The following ZNF845 variants were observed in gnomAD, a reference collection of about 807,000 sequenced individuals.
ZNF845 encodes zinc finger protein 845.
In ZNF845, 59 loss-of-function variants were observed where a neutral mutation model predicts 76.1. The ratio of observed to expected loss-of-function variants is 0.78; its 90% CI spans 0.63 to 0.96. The LOEUF (loss-of-function observed/expected upper bound fraction) is 0.96. ZNF845 is among the 40% of genes least tolerant of loss of function. The pLI is 0.00. For missense variants in ZNF845, 1,045 were observed against 1,172.8 expected (o/e 0.89, Z 1.59); for synonymous variants, 361 against 386.9 (o/e 0.93, Z 0.78).
chr19:53,353,307 C>G lies in ZNF845; in HGVS notation c.2632C>G (p.His878Asp). The G allele has an allele frequency of 6.2e-7, 1 of 1,612,834 alleles. No individual in the cohort carries two copies. Among genetic ancestry groups the G allele is most frequent in the Middle Eastern group, 1.7e-4 (1 of 6,052 alleles). ...TAGAAAAGCAAACCTTTCACGTCAT[C>G]ATAGACTTCATACTGGAGAGAAACC... ...FNRKANLSRH[H>D]RLHTGEKPYK... is the part of the protein sequence containing the mutation. The change falls in exon 4 of 4, where the codon CAT becomes GAT. Residue 878 changes from histidine (H) to aspartate (D), a missense_variant. Physicochemically the swap from His to Asp is moderately conservative, Grantham distance 81. Coordinates refer to ENST00000458035, the MANE Select transcript of ZNF845 (RefSeq NM_138374.3).
At chr19:53,342,585 T>C (rs8111000) in intron 2 of ZNF845, among the ~76,000 whole-genome samples, 43,072 of 152,084 alleles carry the variant, frequency 0.28, 7,542 homozygotes, top group African/African-American at 0.5. Flanking sequence ...GAGCCGCTAC[T>C]GTCAGTTCTG....
chr19:53,341,858 T>A (rs1256038309), intron 2 of ZNF845, among the ~76,000 whole-genome samples: 1 of 152,192 alleles, frequency 6.6e-6, no homozygotes, highest in African/African-American at 2.4e-5. Flanking sequence ...CAGACATGAA[T>A]GATAGAAGAT....
In ZNF845 at chr19:53,351,698, C is replaced by T; in HGVS notation, c.1023C>T (p.Tyr341=). 1 of 1,614,064 alleles carries T rather than the reference C, an allele frequency of 6.2e-7. No homozygotes were observed. ...GCAAGACCTTCAGTCAAACGTCATACCTTGTGTACCATCGTAGACTTCATA... is the reference window on the plus strand; with the variant it reads ...GCAAGACCTTCAGTCAAACGTCATATCTTGTGTACCATCGTAGACTTCATA... The part of the protein sequence containing the change: ...ECGKTFSQTS[Y]LVYHRRLHTG... The change falls in exon 4 of 4, where the codon TAC becomes TAT. Residue 341 remains tyrosine, a synonymous_variant. Transcript: ENST00000458035.
In ZNF845 at chr19:53,352,492, C is replaced by T. The variant is rs376117724; in HGVS notation, c.1817C>T (p.Ser606Leu). Residue 606 changes from serine (S) to leucine (L), a missense_variant, in exon 4 of 4, where the codon TCG becomes TTG. By Grantham distance (145) the Ser-to-Leu change is moderately radical (BLOSUM62 -2). Coordinates refer to ENST00000458035, the MANE Select transcript of ZNF845 (RefSeq NM_138374.3). The part of the protein sequence containing the change: ...NHWRIHNEER[S>L]YKCNRCGKFF... ...TGGAGAATCCATAATGAAGAGAGAT[C>T]GTACAAGTGTAATAGATGTGGCAAA... The T allele has an allele frequency of 1.3e-4, 216 of 1,611,502 alleles. No individual in the cohort carries two copies. Among genetic ancestry groups the T allele is most frequent in the African/African-American group, 2.1e-4 (16 of 74,948 alleles).
At chr19:53,338,728 ACACACT>A (rs2085235108) in intron 1 of ZNF845, among the ~76,000 whole-genome samples, 1 of 148,694 alleles carries the variant, frequency 6.7e-6, no homozygotes. Context: ...ACACGCACAC[ACACACT>A]CCCACACACA....
Position 53,355,904 on chromosome 19 carries a change from T to C in ZNF845, c.*2316T>C, listed in dbSNP as rs2085382718. ...CTATCTATTGAGATAATGTGTTTTT[T>C]ATCTGTCATTCTGTGCAAGTGTGTA... On this transcript the variant is annotated 3_prime_UTR_variant, in exon 4 of 4. Coordinates refer to ENST00000458035, the MANE Select transcript of ZNF845 (RefSeq NM_138374.3). 6.6e-6 allele frequency: 1 copy of C among 152,242 alleles called. No individual in the cohort carries two copies. The highest frequency in any genetic ancestry group is 1.5e-5 in the Non-Finnish European group (1 of 68,046). 9.4% of individuals were successfully genotyped at this position (152,242 alleles called of 1,614,324 possible).
intron 3 of ZNF845, among the ~76,000 whole-genome samples, chr19:53,349,933 G>A (rs1344855406): frequency 6.6e-6 from 1 of 152,092 alleles, no homozygotes; most frequent in Non-Finnish European, 1.5e-5. Context: ...TACTCAGGAG[G>A]CTGAGGCAGG....
chr19:53,348,666 A>G (rs2085312873), intron 3 of ZNF845, among the ~76,000 whole-genome samples: 1 of 152,100 alleles, frequency 6.6e-6, no homozygotes, highest in Admixed American at 6.5e-5. Flanking sequence ...AATTTGTTAT[A>G]TACAATGTTT....
Position 53,352,045 on chromosome 19 carries a change from A to G in ZNF845, c.1370A>G (p.His457Arg), listed in dbSNP as rs898061886. 5 of 1,613,814 alleles carry G rather than the reference A, an allele frequency of 3.1e-6. No individual in the cohort carries two copies. Among genetic ancestry groups the G allele is most frequent in the Non-Finnish European group, 3.4e-6 (4 of 1,179,954 alleles). ...AFSFKSNLER[H>R]RRIHTGEKPY... The stretch of plus-strand genomic sequence containing the variant: ...AGTTTCAAATCGAACCTTGAAAGAC[A>G]TAGGAGAATTCATACTGGAGAGAAA... Residue 457 changes from histidine to arginine, a missense_variant, in exon 4 of 4, where the codon CAT (histidine) becomes CGT (arginine). By Grantham distance (29) the His-to-Arg change is conservative. Transcript: ENST00000458035.
intron 2 of ZNF845, among the ~76,000 whole-genome samples, chr19:53,344,266 C>T (rs1011155573): frequency 5.9e-5 from 9 of 152,092 alleles, no homozygotes; most frequent in South Asian, 2.1e-4. Flanking sequence ...GGGCCAGGCA[C>T]GGTGGATCAC....
At chr19:53,337,732 C>T (rs2085225691) in intron 1 of ZNF845, among the ~76,000 whole-genome samples, 1 of 152,074 alleles carries the variant, frequency 6.6e-6, no homozygotes, top group African/African-American at 2.4e-5. Flanking sequence ...AGCCCAGCTA[C>T]TTTTTGTATT....
intron 1 of ZNF845, among the ~76,000 whole-genome samples, chr19:53,334,303 T>C (rs1041139680): frequency 6.6e-6 from 1 of 152,022 alleles, no homozygotes; most frequent in Non-Finnish European, 1.5e-5. Context: ...GAAAATGCGC[T>C]CCTCCGGGAT....
Position 53,353,314 on chromosome 19 carries a change from T to G in ZNF845, c.2639T>G (p.Leu880Arg). 6.2e-7 allele frequency: 1 copy of G among 1,613,774 alleles called. No homozygotes were observed. The highest frequency in any genetic ancestry group is 8.5e-7 in the Non-Finnish European group (1 of 1,179,810). The part of the protein sequence containing the change: ...RKANLSRHHR[L>R]HTGEKPYKCN... The stretch of plus-strand genomic sequence containing the variant: ...GCAAACCTTTCACGTCATCATAGAC[T>G]TCATACTGGAGAGAAACCTTACAAG... The change falls in exon 4 of 4, where the codon CTT (leucine) becomes CGT (arginine). Residue 880 changes from leucine (L) to arginine (R), a missense_variant. Physicochemically the swap from Leu to Arg is moderately radical, Grantham distance 102. Coordinates refer to ENST00000458035, the MANE Select transcript of ZNF845 (RefSeq NM_138374.3).
At position 53,338,064 on chromosome 19, in the gene ZNF845, A is replaced by G. The variant is rs371582521; in HGVS notation, c.-73-3171A>G. On this transcript the variant is annotated intron_variant, in intron 1 of 3. Transcript: ENST00000458035. ...TGTCTCCCTTCTTTGGAGGATGCACAGTTCCCATCTTGGCCACAGGACAAC... is the reference window on the plus strand; with the variant it reads ...TGTCTCCCTTCTTTGGAGGATGCACGGTTCCCATCTTGGCCACAGGACAAC... Among the ~76,000 whole-genome samples the G allele has an allele frequency of 7.2e-5, 11 of 152,248 alleles. 1 individual carries two copies. The East Asian group carries it at 1.6e-3, about 21-fold the overall frequency.
chr19:53,335,346 G>A (rs1436954987), intron 1 of ZNF845, among the ~76,000 whole-genome samples: 3 of 152,172 alleles, frequency 2.0e-5, no homozygotes, highest in East Asian at 1.9e-4. Flanking sequence ...CTGCAGCCTC[G>A]ACCTCCTAGG....
chr19:53,342,142 T>C (rs2085261022), intron 2 of ZNF845, among the ~76,000 whole-genome samples: 1 of 151,324 alleles, frequency 6.6e-6, no homozygotes, highest in African/African-American at 2.4e-5. Flanking sequence ...ATATACAAAG[T>C]CTTGCTTTGT....
chr19:53,351,530 C>G lies in ZNF845; in HGVS notation c.855C>G (p.Thr285=), dbSNP rs777425081. The change falls in exon 4 of 4, where the codon ACC becomes ACG. Residue 285 remains threonine, a synonymous_variant. Coordinates refer to ENST00000458035, the MANE Select transcript of ZNF845 (RefSeq NM_138374.3). Reference sequence around the variant, plus strand: ...GCAAGACCTTCAGTCAGGAGTTAACCCTTACATGCCATCATAGACTTCATA... The same window carrying G: ...GCAAGACCTTCAGTCAGGAGTTAACGCTTACATGCCATCATAGACTTCATA... ...DCGKTFSQEL[T]LTCHHRLHTG... The G allele has an allele frequency of 7.4e-6, 12 of 1,614,026 alleles. No homozygotes were observed. The East Asian group carries it at 2.5e-4, about 33-fold the overall frequency.
At chr19:53,341,153 A>G in intron 1 of ZNF845, 82 bp from the exon 2 acceptor site, 1 of 1,230,166 alleles carries the variant, frequency 8.1e-7, no homozygotes, top group Non-Finnish European at 1.1e-6. Context: ...CCTCAGGGTG[A>G]GGTCTCCTTT....
In ZNF845 at chr19:53,352,012, A is replaced by C. The variant is rs1467854399; in HGVS notation, c.1337A>C (p.Glu446Ala). The C allele has an allele frequency of 2.5e-6, 4 of 1,613,882 alleles. No homozygotes were observed. Among genetic ancestry groups the C allele is most frequent in the Non-Finnish European group, 3.4e-6 (4 of 1,179,984 alleles). The change falls in exon 4 of 4, where the codon GAA becomes GCA. Residue 446 changes from glutamate (E) to alanine (A), a missense_variant. Transcript: ENST00000458035. The stretch of plus-strand genomic sequence containing the variant: ...CCTTACAAATGTGAAGAATGTGATG[A>C]AGCTTTCAGTTTCAAATCGAACCTT... ...EKPYKCEECD[E>A]AFSFKSNLER...
Sources: allele counts gnomAD v4.1 joint callset (sites outside exome capture counted in the v4.1 genomes callset), GRCh38; gene constraint gnomAD v4.1.1; transcripts MANE v1.5; gene names NCBI Gene and HGNC (gene_info 2026-07-23, HGNC 2026-07-21).